Variants in GOLGB1 observed in about 807,000 individuals in gnomAD.
GOLGB1 encodes the protein golgin B1, also known as golgin subfamily B member 1.
In GOLGB1, 174 loss-of-function variants were observed where a neutral mutation model predicts 336.9. The observed-to-expected ratio is 0.52, with a 90% CI of 0.46 to 0.59. The LOEUF (loss-of-function observed/expected upper bound fraction) is 0.59. Among genes scored for constraint, GOLGB1 ranks in the 20% least tolerant of loss-of-function variants. The pLI is 0.00. For synonymous variants in GOLGB1, 1,208 were observed against 1,289.2 expected (o/e 0.94, Z 1.35); for missense variants, 3,331 against 3,645.3 (o/e 0.91, Z 2.22).
intron 18 of GOLGB1, chr3:121,668,530 C>T (rs1006972069): frequency 8.1e-5 from 13 of 160,746 alleles, no homozygotes; most frequent in South Asian, 7.3e-4. Context: ...AAAAATTAGC[C>T]GGGTGTGGTG....
chr3:121,696,161 C>T lies in GOLGB1; in HGVS notation c.4362G>A (p.Glu1454=), dbSNP rs753543807. 1.2e-5 allele frequency: 19 copies of T among 1,613,994 alleles called. No individual in the cohort carries two copies. Among genetic ancestry groups the T allele is most frequent in the Non-Finnish European group, 1.4e-5 (17 of 1,180,024 alleles). The part of the protein sequence containing the change: ...LHTQLEMQAK[E]HDERIKQLQV... ...GTAGCTGCTTTATCCTCTCATCATG[C>T]TCTTTGGCTTGCATTTCTAGCTGTG... Residue 1454 remains glutamate (E), a synonymous_variant, in exon 13 of 22, where the codon GAG becomes GAA. Coordinates refer to ENST00000614479, the MANE Select transcript of GOLGB1 (RefSeq NM_001366282.2).
At chr3:121,683,052 A>ATTTTTTTTTTTTTTTTTTTT (rs1491279532) in intron 14 of GOLGB1, among the ~76,000 whole-genome samples, 1 of 81,206 alleles carries the variant, frequency 1.2e-5, no homozygotes, top group Non-Finnish European at 3.0e-5. Context: ...AATTTCTTTT[A>ATTTTTTTTTTTTTTTTTTTT]ATTTTTTTTT....
chr3:121,701,399 G>A (rs551983971), intron 11 of GOLGB1, among the ~76,000 whole-genome samples: 50 of 152,226 alleles, frequency 3.3e-4, no homozygotes, highest in African/African-American at 8.2e-4. Flanking sequence ...AGTGGGAATC[G>A]TCTAATACAA....
chr3:121,696,920 C>T lies in GOLGB1; in HGVS notation c.3603G>A (p.Glu1201=), dbSNP rs1323299139. Reference sequence around the variant, plus strand: ...GCTCCTCCCTGAGATGTCTTTCTTTCTCCTGTGCCTTTTTAAGAATTGCCT... The same window carrying T: ...GCTCCTCCCTGAGATGTCTTTCTTTTTCCTGTGCCTTTTTAAGAATTGCCT... The part of the protein sequence containing the change: ...SRKAILKKAQ[E]KERHLREELK... Residue 1201 remains glutamate (E), a synonymous_variant, in exon 13 of 22, where the codon GAG becomes GAA. Transcript: ENST00000614479. 5.6e-6 allele frequency: 9 copies of T among 1,614,034 alleles called. 1 individual carries two copies. The Admixed American group carries it at 6.7e-5, about 12-fold the overall frequency.
intron 17 of GOLGB1, among the ~76,000 whole-genome samples, chr3:121,669,682 G>A (rs1023564626): frequency 5.3e-5 from 8 of 152,112 alleles, no homozygotes; most frequent in Non-Finnish European, 8.8e-5. Context: ...GTACATAAGA[G>A]GGAGAAGGCA....
In GOLGB1 at chr3:121,694,995, T is replaced by C; in HGVS notation, c.5528A>G (p.Tyr1843Cys). The change falls in exon 13 of 22, where the codon TAC becomes TGC. Residue 1843 changes from tyrosine (Y) to cysteine (C), a missense_variant. Tyr to Cys is a radical substitution (Grantham distance 194). Transcript: ENST00000614479. Reference sequence around the variant, plus strand: ...TTTGAGCTGATCAATCTGCTGTAGGTAGTTATTAATTTCATCATGTGAGCT... The same window carrying C: ...TTTGAGCTGATCAATCTGCTGTAGGCAGTTATTAATTTCATCATGTGAGCT... Reference protein sequence around the residue: ...DFSSHDEINNYLQQIDQLKER... With the variant: ...DFSSHDEINNCLQQIDQLKER... 6.2e-7 allele frequency: 1 copy of C among 1,614,040 alleles called. No individual in the cohort carries two copies. Among genetic ancestry groups the C allele is most frequent in the South Asian group, 1.1e-5 (1 of 91,084 alleles).
chr3:121,728,699 A>C (rs952965453), intron 4 of GOLGB1, among the ~76,000 whole-genome samples: 6 of 152,220 alleles, frequency 3.9e-5, no homozygotes, highest in African/African-American at 1.2e-4. Context: ...TCCCTTTTAG[A>C]GAGTCCCAGG....
intron 8 of GOLGB1, among the ~76,000 whole-genome samples, chr3:121,717,925 C>T (rs775632501): frequency 1.3e-5 from 2 of 152,188 alleles, no homozygotes; most frequent in Non-Finnish European, 2.9e-5. Context: ...ATCGTATACA[C>T]ATAGCCTAAA....
At chr3:121,688,444 TC>T (rs1942010831) in intron 14 of GOLGB1, among the ~76,000 whole-genome samples, 1 of 152,262 alleles carries the variant, frequency 6.6e-6, no homozygotes, top group South Asian at 2.1e-4. Flanking sequence ...AACCTCGGCC[TC>T]CCGAGGTGCC....
Position 121,699,845 on chromosome 3 carries a change from A to G in GOLGB1, c.1560T>C (p.Asn520=), listed in dbSNP as rs1472137373. The stretch of plus-strand genomic sequence containing the variant: ...CTTCTCTGTCTGCCTCCCCAGTTCT[A>G]TTCTGAGCCTCTAGGAGAGTAATCT... ...SSQITLLEAQ[N]RTGEADREVS... is the part of the protein sequence containing the mutation. The change falls in exon 12 of 22, where the codon AAT becomes AAC. Residue 520 remains asparagine (N), a synonymous_variant. Transcript: ENST00000614479. 6.2e-7 allele frequency: 1 copy of G among 1,606,198 alleles called. No individual in the cohort carries two copies. Among genetic ancestry groups the G allele is most frequent in the Admixed American group, 1.7e-5 (1 of 59,728 alleles).
In GOLGB1 at chr3:121,696,395, C is replaced by T. The variant is rs1198862486; in HGVS notation, c.4128G>A (p.Gln1376=). 6.2e-7 allele frequency: 1 copy of T among 1,614,184 alleles called. No homozygotes were observed. The highest frequency in any genetic ancestry group is 8.5e-7 in the Non-Finnish European group (1 of 1,180,010). ...HEAEVHAESL[Q]QKLESSQLQI... Reference sequence around the variant, plus strand: ...GTAGTTGGCTGCTTTCCAATTTCTGCTGCAGGCTTTCGGCATGGACTTCAG... The same window carrying T: ...GTAGTTGGCTGCTTTCCAATTTCTGTTGCAGGCTTTCGGCATGGACTTCAG... Residue 1376 remains glutamine, a synonymous_variant, in exon 13 of 22, where the codon CAG becomes CAA. Coordinates refer to ENST00000614479, the MANE Select transcript of GOLGB1 (RefSeq NM_001366282.2).
intron 5 of GOLGB1, 121 bp downstream of exon 5, chr3:121,726,792 G>T (rs2108249665): frequency 5.3e-6 from 3 of 563,630 alleles, no homozygotes; most frequent in South Asian, 4.5e-5. Context: ...AAAAGAAGGA[G>T]ACTGATATAT....
In GOLGB1 at chr3:121,722,279, C is replaced by A. The variant is rs753880139; in HGVS notation, c.631G>T (p.Ala211Ser). 1 of 1,605,750 alleles carries A rather than the reference C, an allele frequency of 6.2e-7. No individual in the cohort carries two copies. The highest frequency in any genetic ancestry group is 1.7e-5 in the Admixed American group (1 of 59,988). The change falls in exon 6 of 22, where the codon GCA becomes TCA. Residue 211 changes from alanine (A) to serine (S), a missense_variant. Physicochemically the swap from Ala to Ser is moderately conservative, Grantham distance 99. Coordinates refer to ENST00000614479, the MANE Select transcript of GOLGB1 (RefSeq NM_001366282.2). ...TLQAQLSQTQ[A>S]EQAAQLSSMQ... ...GTCCCTACCTGTGCAGCTTGCTCTG[C>A]CTGTGTCTGGCTGAGCTGGGCTTGT...
At chr3:121,692,679 T>G in intron 13 of GOLGB1, 98 bp from the exon 14 acceptor site, 1 of 652,940 alleles carries the variant, frequency 1.5e-6, no homozygotes, top group East Asian at 2.7e-5. Context: ...GATTTACAAA[T>G]GAATTAACAT....
rs773719193 is a variant in GOLGB1 at position 121,694,049 on chromosome 3, G to A, written c.6474C>T (p.Val2158=). ...EKLDALRREK[V]HLEETIGEIQ... ...TCTCTCCAATTGTCTCTTCCAAGTG[G>A]ACTTTTTCTCTGCGCAAAGCATCCA... Residue 2158 remains valine (V), a synonymous_variant, in exon 13 of 22, where the codon GTC becomes GTT. Transcript: ENST00000614479. 1.9e-6 allele frequency: 3 copies of A among 1,613,852 alleles called. No individual in the cohort carries two copies. The African/African-American group carries it at 4.0e-5, about 22-fold the overall frequency.
At chr3:121,685,718 A>G (rs1576314222) in intron 14 of GOLGB1, among the ~76,000 whole-genome samples, 1 of 152,314 alleles carries the variant, frequency 6.6e-6, no homozygotes, top group African/African-American at 2.4e-5. Flanking sequence ...TACACAGGAA[A>G]TACTGAAAGA....
At chr3:121,749,194 G>C (rs144867146) in intron 1 of GOLGB1, 1 of 152,236 alleles carries the variant, frequency 6.6e-6, no homozygotes, top group Admixed American at 6.5e-5. Flanking sequence ...CCTCCCCTTC[G>C]GGACACCAAG....
Position 121,697,776 on chromosome 3 carries a change from G to T in GOLGB1, c.2747C>A (p.Thr916Asn). Reference protein sequence around the residue: ...QQVTEISFSMTEKMVQLNEEK... With the variant: ...QQVTEISFSMNEKMVQLNEEK... Reference sequence around the variant, plus strand: ...TTCATTAAGCTGAACCATTTTCTCAGTCATACTAAAGCTGATTTCTGTCAC... The same window carrying T: ...TTCATTAAGCTGAACCATTTTCTCATTCATACTAAAGCTGATTTCTGTCAC... The change falls in exon 13 of 22, where the codon ACT (threonine) becomes AAT (asparagine). Residue 916 changes from threonine (T) to asparagine (N), a missense_variant. By Grantham distance (65) the Thr-to-Asn change is moderately conservative. Transcript: ENST00000614479. 6.2e-7 allele frequency: 1 copy of T among 1,613,726 alleles called. No homozygotes were observed. The highest frequency in any genetic ancestry group is 8.5e-7 in the Non-Finnish European group (1 of 1,179,796).
At chr3:121,675,995 T>G (rs1339946071) in intron 17 of GOLGB1, among the ~76,000 whole-genome samples, 3 of 152,182 alleles carry the variant, frequency 2.0e-5, no homozygotes, top group Admixed American at 2.0e-4. Context: ...GAAGGGGAAC[T>G]CCATGGGAGC....
Sources: gnomAD v4.1 joint callset for allele counts (sites outside exome capture counted in the v4.1 genomes callset) on GRCh38, gnomAD v4.1.1 for gene constraint, MANE v1.5 for transcripts, NCBI Gene and HGNC (gene_info 2026-07-23, HGNC 2026-07-21) for gene names.